Variants in SECTM1 observed in about 807,000 individuals in gnomAD.
SECTM1 encodes the protein secreted and transmembrane 1, also known as secreted and transmembrane protein 1.
A neutral mutation model predicts 18.1 loss-of-function variants in SECTM1; 10 were observed. The observed-to-expected ratio is 0.55, with a 90% CI of 0.34 to 0.94. The LOEUF (loss-of-function observed/expected upper bound fraction) is 0.94. Ranked by LOEUF, SECTM1 falls within the 40% of genes least tolerant of loss-of-function variation. The pLI is 0.02. For missense variants in SECTM1, 297 were observed against 322.6 expected, an observed-to-expected ratio of 0.92 and a Z score of 0.61; for synonymous variants, 137 against 139.2, an observed-to-expected ratio of 0.98 and a Z score of 0.11.
rs1196638029 is a variant in SECTM1, at chr17:82,325,455, C to T, written c.95-565G>A. Among the ~76,000 whole-genome samples, 1 of 152,236 alleles carries T rather than the reference C, an allele frequency of 6.6e-6. No individual in the cohort carries two copies. Among genetic ancestry groups the T allele is most frequent in the East Asian group, 1.9e-4 (1 of 5,194 alleles). On this transcript the variant is annotated intron_variant, in intron 2 of 4. Coordinates refer to ENST00000269389, the MANE Select transcript of SECTM1 (RefSeq NM_003004.3). The surrounding 1 kb of genome is among the most constrained non-coding windows in gnomAD (Gnocchi z 7.6). ...AGAGCAGACATGGGTTCCAGCCTGT[C>T]CTTGTGGGGCCCAGCCTGCTTGTGC... is the stretch of plus-strand genomic sequence containing the variant.
chr17:82,332,976 A>T (rs2052203684), intron 1 of SECTM1, among the ~76,000 whole-genome samples: 2 of 152,200 alleles, frequency 1.3e-5, no homozygotes, highest in South Asian at 4.1e-4. Context: ...CAGGTGATTC[A>T]CCAGTAGTGG....
At chr17:82,322,500 GCCCTC>G in intron 4 of SECTM1, 130 bp from the exon 5 acceptor site, 1 of 898,984 alleles carries the variant, frequency 1.1e-6, no homozygotes, top group African/African-American at 1.7e-5. Context: ...CACACTCCCA[GCCCTC>G]GCCTGGGTTC....
Position 82,322,319 on chromosome 17 carries a change from C to T in SECTM1, c.589G>A (p.Gly197Arg). The change falls in exon 5 of 5, where the codon GGA (glycine) becomes AGA (arginine). Residue 197 changes from glycine to arginine, a missense_variant. Coordinates refer to ENST00000269389, the MANE Select transcript of SECTM1 (RefSeq NM_003004.3). ...GCTCTGCTCAGGCCCTGCTGGGCTC[C>T]CGCTCTGAGGGCTGCGACCTTCATC... The part of the protein sequence containing the change: ...PQMKVAALRA[G>R]AQQGLSRASA... The T allele has an allele frequency of 1.2e-6, 2 of 1,613,486 alleles. No homozygotes were observed. The highest frequency in any genetic ancestry group is 1.7e-6 in the Non-Finnish European group (2 of 1,179,680).
At chr17:82,322,449 A>G (rs1256418035) in intron 4 of SECTM1, 79 bp from the exon 5 acceptor site, 13 of 1,358,654 alleles carry the variant, frequency 9.6e-6, no homozygotes, top group Admixed American at 7.1e-5. Context: ...GTGCGTTCAC[A>G]CTCACGGGCA....
intron 4 of SECTM1, among the ~76,000 whole-genome samples, 191 bp downstream of exon 4, chr17:82,322,687 G>A (rs1026494551): frequency 1.2e-4 from 19 of 152,172 alleles, no homozygotes; most frequent in Non-Finnish European, 2.1e-4. Context: ...GGGTCTGGGT[G>A]GGGAGCCTGG....
At position 82,328,207 on chromosome 17, in the gene SECTM1, G is replaced by A. The variant is rs530183077; in HGVS notation, c.-52-915C>T. 2.0e-4 allele frequency: 30 copies of A among 152,308 alleles called. No individual in the cohort carries two copies. Among genetic ancestry groups the A allele is most frequent in the Non-Finnish European group, 3.7e-4 (25 of 68,040 alleles). The allele number at this position is 152,308 out of a possible 1,614,324, so 9.4% of individuals were successfully genotyped here. On this transcript the variant is annotated intron_variant, in intron 1 of 4. Coordinates refer to ENST00000269389, the MANE Select transcript of SECTM1 (RefSeq NM_003004.3). This position sits in a 1 kb window ranked among gnomAD's most constrained non-coding sequence, Gnocchi z 5.8. The stretch of plus-strand genomic sequence containing the variant: ...GCCTCCTTGTGCCATCTTGTCTCAG[G>A]CCTGCAAACACTAGGGGCCCCCTAG...
At position 82,321,706 on chromosome 17, in the gene SECTM1, G is replaced by A; in HGVS notation, c.*455C>T. ...TGCCGCGGAAGGGCCCCCAAAGCCT[G>A]CTCATAGCCAAGGGACAGGTATGTG... On this transcript the variant is annotated 3_prime_UTR_variant, in exon 5 of 5. Transcript: ENST00000269389. The A allele has an allele frequency of 6.3e-6, 1 of 157,778 alleles. No homozygotes were observed. Among genetic ancestry groups the A allele is most frequent in the Non-Finnish European group, 1.4e-5 (1 of 71,048 alleles). The allele number at this position is 157,778 out of a possible 1,614,324, so 9.8% of individuals were successfully genotyped here. A position where few individuals can be genotyped will look rare whatever the true frequency, so the allele number is the denominator to read the frequency against.
chr17:82,323,633 T>G (rs2052117997), intron 3 of SECTM1, among the ~76,000 whole-genome samples: 2 of 148,796 alleles, frequency 1.3e-5, no homozygotes, highest in African/African-American at 5.0e-5. Context: ...AGGGAGCAGG[T>G]GGGAGGGGCT....
rs2052135118 is a variant in SECTM1 at position 82,325,128 on chromosome 17, C to A, written c.95-238G>T. On this transcript the variant is annotated intron_variant, in intron 2 of 4. Transcript: ENST00000269389. This position sits in a 1 kb window ranked among gnomAD's most constrained non-coding sequence, Gnocchi z 7.6. ...TGTGTGTGTGTGTGCGTGCTCACACCCACGTCTGTTCCTTGGGGTGTGTCA... is the reference window on the plus strand; with the variant it reads ...TGTGTGTGTGTGTGCGTGCTCACACACACGTCTGTTCCTTGGGGTGTGTCA... Among the ~76,000 whole-genome samples the A allele has an allele frequency of 6.6e-6, 1 of 152,038 alleles. No individual in the cohort carries two copies. Among genetic ancestry groups the A allele is most frequent in the Non-Finnish European group, 1.5e-5 (1 of 67,998 alleles).
intron 3 of SECTM1, among the ~76,000 whole-genome samples, chr17:82,324,202 G>A (rs917560242): frequency 6.6e-6 from 1 of 152,028 alleles, no homozygotes; most frequent in African/African-American, 2.4e-5. Flanking sequence ...GAGGCGGGGG[G>A]TGCCTGGGCT....
chr17:82,322,946 A>G lies in SECTM1; in HGVS notation c.469T>C (p.Phe157Leu). The G allele has an allele frequency of 6.2e-7, 1 of 1,613,930 alleles. No homozygotes were observed. The change falls in exon 4 of 5, where the codon TTC (phenylalanine) becomes CTC (leucine). Residue 157 changes from phenylalanine (F) to leucine (L), a missense_variant. Phe to Leu is a conservative substitution (Grantham distance 22, BLOSUM62 0). Transcript: ENST00000269389. ...WPVPAVVTAV[F>L]ILLVALVMFA... ...ATGACCAGAGCGACCAAGAGGATGA[A>G]GACAGCAGTGACCACCGCTGGCACA...
chr17:82,323,009 C>T lies in SECTM1; in HGVS notation c.406G>A (p.Ala136Thr). 1.2e-6 allele frequency: 2 copies of T among 1,611,302 alleles called. No individual in the cohort carries two copies. Among genetic ancestry groups the T allele is most frequent in the Non-Finnish European group, 1.7e-6 (2 of 1,178,834 alleles). Residue 136 changes from alanine (A) to threonine (T), a missense_variant and splice_region_variant, in exon 4 of 5, where the codon GCA (alanine) becomes ACA (threonine). Transcript: ENST00000269389. ...NRQVTLEVSG[A>T]EPQSAPDTGF... ...GTGTCGGGGGCGGACTGGGGTTCTGCACCTGAAGGAGGCAGTTCAGGGGTG... is the reference window on the plus strand; with the variant it reads ...GTGTCGGGGGCGGACTGGGGTTCTGTACCTGAAGGAGGCAGTTCAGGGGTG...
At chr17:82,324,515 A>AG in intron 3 of SECTM1, 67 bp downstream of exon 3, 173 of 99,850 alleles carry the variant, frequency 1.7e-3, no homozygotes, top group South Asian at 3.4e-3. Flanking sequence ...CCCCCTGCCC[A>AG]GGCCCCCTCC....
intron 3 of SECTM1, 142 bp from the exon 4 acceptor site, chr17:82,323,153 G>T: frequency 1.0e-6 from 1 of 1,004,152 alleles, no homozygotes; most frequent in Non-Finnish European, 1.4e-6. Flanking sequence ...CGTTGCCCAG[G>T]AGGTACAGGG....
At chr17:82,333,197 T>TA (rs2052205879) in intron 1 of SECTM1, among the ~76,000 whole-genome samples, 1 of 152,174 alleles carries the variant, frequency 6.6e-6, no homozygotes, top group South Asian at 2.1e-4. Context: ...TGTGCACGCA[T>TA]ATGAGCGAGT....
rs995557034 is a variant in SECTM1, at chr17:82,330,050, C to A, written c.-52-2758G>T. Among the ~76,000 whole-genome samples, 11 of 152,176 alleles carry A rather than the reference C, an allele frequency of 7.2e-5. No homozygotes were observed. Among genetic ancestry groups the A allele is most frequent in the African/African-American group, 2.4e-4 (10 of 41,434 alleles). Reference sequence around the variant, plus strand: ...CCCCCAGTGCGGTGGGAGACCCAGGCCACCTGCAGACCCCTGCATGGAGGT... The same window carrying A: ...CCCCCAGTGCGGTGGGAGACCCAGGACACCTGCAGACCCCTGCATGGAGGT... On this transcript the variant is annotated intron_variant, in intron 1 of 4. Coordinates refer to ENST00000269389, the MANE Select transcript of SECTM1 (RefSeq NM_003004.3). The surrounding 1 kb of genome is among the most constrained non-coding windows in gnomAD (Gnocchi z 6.1).
In SECTM1 at chr17:82,328,813, G is replaced by T. The variant is rs1434092627; in HGVS notation, c.-52-1521C>A. Among the ~76,000 whole-genome samples the T allele has an allele frequency of 1.3e-5, 2 of 152,144 alleles. No homozygotes were observed. The highest frequency in any genetic ancestry group is 4.8e-5 in the African/African-American group (2 of 41,426). ...TGGGGCAAGGGTTCGTGGCCAGGCT[G>T]CCCTGCCTCTCGGGTGCCTGCACCC... On this transcript the variant is annotated intron_variant, in intron 1 of 4. Transcript: ENST00000269389. This position sits in a 1 kb window ranked among gnomAD's most constrained non-coding sequence, Gnocchi z 5.8.
chr17:82,323,040 G>A (rs1346020436), intron 3 of SECTM1, 29 bp from the exon 4 acceptor site: 1 of 1,595,388 alleles, frequency 6.3e-7, no homozygotes, highest in Admixed American at 1.8e-5. Flanking sequence ...GGGTGTACAG[G>A]TGGGCTGGGC....
rs1365284486 is a variant in SECTM1 at position 82,329,010 on chromosome 17, T to A, written c.-52-1718A>T. Among the ~76,000 whole-genome samples, 1 of 152,214 alleles carries A rather than the reference T, an allele frequency of 6.6e-6. No individual in the cohort carries two copies. On this transcript the variant is annotated intron_variant, in intron 1 of 4. Transcript: ENST00000269389. This position sits in a 1 kb window ranked among gnomAD's most constrained non-coding sequence, Gnocchi z 7.6. ...AGATGTCTATAGATTTATAGATGTG[T>A]GTTTCTCCAAACAAATAAACCACCA...
Sources: allele counts gnomAD v4.1 joint callset (sites outside exome capture counted in the v4.1 genomes callset), GRCh38; gene constraint gnomAD v4.1.1; non-coding constraint Gnocchi (gnomAD v3.1); transcripts MANE v1.5; gene names NCBI Gene and HGNC (gene_info 2026-07-23, HGNC 2026-07-21).